Variants in CNBD1 observed in about 807,000 individuals in gnomAD.
CNBD1 encodes the protein cyclic nucleotide-binding domain-containing protein 1.
In CNBD1, 71 loss-of-function variants were observed where a neutral mutation model predicts 54.4. The ratio of observed to expected loss-of-function variants is 1.30; its 90% CI spans 1.08 to 1.59. The LOEUF (loss-of-function observed/expected upper bound fraction) is 1.59. Among genes scored for constraint, CNBD1 ranks in the 40% most tolerant of loss-of-function variants. The probability of loss-of-function intolerance (pLI) is 0.00; values close to 1 mark genes in which losing one functional copy is unlikely to be tolerated. For synonymous variants in CNBD1, 182 were observed against 170.7 expected (o/e 1.07, Z -0.51); for missense variants, 659 against 518.0 (o/e 1.27, Z -2.64).
At chr8:86,984,855 G>C (rs891540409) in intron 4 of CNBD1, among the ~76,000 whole-genome samples, 7 of 152,168 alleles carry the variant, frequency 4.6e-5, no homozygotes, top group Non-Finnish European at 1.0e-4. Flanking sequence ...ACTTTAGACT[G>C]TGAACTTTTG....
intron 4 of CNBD1, among the ~76,000 whole-genome samples, chr8:87,081,449 A>T (rs192618538): frequency 6.6e-6 from 1 of 151,190 alleles, no homozygotes; most frequent in East Asian, 1.9e-4. Context: ...TACCATGTGC[A>T]TTTGAAAAAA....
intron 2 of CNBD1, among the ~76,000 whole-genome samples, chr8:87,392,072 A>T (rs2130970313): frequency 6.6e-6 from 1 of 152,250 alleles, no homozygotes; most frequent in South Asian, 2.1e-4. Context: ...TTCACTAGTT[A>T]TTAGGAAGAT....
intron 2 of CNBD1, among the ~76,000 whole-genome samples, chr8:87,421,574 T>C (rs1807938748): frequency 6.6e-6 from 1 of 151,910 alleles, no homozygotes; most frequent in African/African-American, 2.4e-5. Context: ...TGATTTCCGA[T>C]TTCATCCATG....
intron 4 of CNBD1, among the ~76,000 whole-genome samples, chr8:87,108,499 G>C (rs1811589794): frequency 6.6e-6 from 1 of 152,070 alleles, no homozygotes; most frequent in African/African-American, 2.4e-5. Flanking sequence ...ATTGTGACAT[G>C]ATATTTATGC....
chr8:86,971,792 A>G (rs1586172299), intron 4 of CNBD1, among the ~76,000 whole-genome samples: 1 of 152,132 alleles, frequency 6.6e-6, no homozygotes, highest in African/African-American at 2.4e-5. Flanking sequence ...AGCTCTCTCT[A>G]TATTTGTAAC....
intron 6 of CNBD1, among the ~76,000 whole-genome samples, chr8:87,278,154 A>G (rs1464539225): frequency 6.6e-6 from 1 of 151,534 alleles, no homozygotes; most frequent in Non-Finnish European, 1.5e-5. Flanking sequence ...AGAAGAAAAA[A>G]GATGAATGAT....
At chr8:87,128,148 A>T (rs899432884) in intron 4 of CNBD1, among the ~76,000 whole-genome samples, 8 of 152,146 alleles carry the variant, frequency 5.3e-5, no homozygotes, top group Non-Finnish European at 1.2e-4. Context: ...CCACTCAATA[A>T]AACCCCTGCA....
chr8:87,392,510 G>A (rs1056004727), intron 2 of CNBD1, among the ~76,000 whole-genome samples: 1 of 151,994 alleles, frequency 6.6e-6, no homozygotes, highest in Admixed American at 6.6e-5. Context: ...AAATAATCTA[G>A]ATGAACCTTG....
At chr8:87,343,906 A>G (rs1810117271) in intron 8 of CNBD1, among the ~76,000 whole-genome samples, 1 of 152,082 alleles carries the variant, frequency 6.6e-6, no homozygotes, top group Admixed American at 6.6e-5. Flanking sequence ...AATTAATGGT[A>G]TTTCCTCAAT....
rs1375998342 is a variant in CNBD1 at position 87,064,872 on chromosome 8, T to C, written c.431+125118T>C. On this transcript the variant is annotated intron_variant, in intron 4 of 10. Coordinates refer to ENST00000518476, the MANE Select transcript of CNBD1 (RefSeq NM_173538.3). ...CAACAGACATTAATTTAAAATTTGC[T>C]TCTGTTCCATTCACTCTCTTTTCTT... is the stretch of plus-strand genomic sequence containing the variant. Among the ~76,000 whole-genome samples, 3 of 152,006 alleles carry C rather than the reference T, an allele frequency of 2.0e-5. 1 individual carries two copies. The highest frequency in any genetic ancestry group is 6.3e-3 in the Middle Eastern group (2 of 316).
At chr8:87,104,225 A>G (rs570680926) in intron 4 of CNBD1, among the ~76,000 whole-genome samples, 69 of 152,116 alleles carry the variant, frequency 4.5e-4, no homozygotes, top group African/African-American at 1.5e-3. Flanking sequence ...GCAAGTTTAA[A>G]AGGCAAGTTT....
intron 2 of CNBD1, among the ~76,000 whole-genome samples, chr8:87,426,824 C>A (rs1391239071): frequency 1.3e-5 from 2 of 152,144 alleles, no homozygotes; most frequent in Non-Finnish European, 2.9e-5. Context: ...ATCCCATTGA[C>A]AGACCCAAAA....
chr8:87,114,515 T>A (rs545019309), intron 4 of CNBD1, among the ~76,000 whole-genome samples: 2 of 152,274 alleles, frequency 1.3e-5, no homozygotes, highest in South Asian at 4.1e-4. Flanking sequence ...CACACTCGGC[T>A]AATTTTTGTA....
chr8:87,003,493 G>C (rs796351062), intron 4 of CNBD1, among the ~76,000 whole-genome samples: 25 of 152,242 alleles, frequency 1.6e-4, no homozygotes, highest in African/African-American at 5.5e-4. Flanking sequence ...GTTACCCTTG[G>C]CATGTTACTT....
chr8:86,969,511 G>T (rs530041328), intron 4 of CNBD1, among the ~76,000 whole-genome samples: 1 of 152,002 alleles, frequency 6.6e-6, no homozygotes, highest in Admixed American at 6.6e-5. Context: ...TGAACTAATT[G>T]GTACTACTGT....
intron 4 of CNBD1, among the ~76,000 whole-genome samples, chr8:87,194,446 G>A (rs906706894): frequency 6.6e-6 from 1 of 152,054 alleles, no homozygotes; most frequent in South Asian, 2.1e-4. Context: ...TTGGCCCTAG[G>A]ATAGGTATTT....
At chr8:87,425,920 C>T (rs186877762) in intron 2 of CNBD1, among the ~76,000 whole-genome samples, 81 of 152,166 alleles carry the variant, frequency 5.3e-4, no homozygotes, top group African/African-American at 1.4e-3. Context: ...CCCCCAGCCT[C>T]ACTGCTGCCT....
intron 8 of CNBD1, among the ~76,000 whole-genome samples, chr8:87,327,063 G>T (rs1337950096): frequency 1.4e-5 from 2 of 147,258 alleles, no homozygotes; most frequent in Non-Finnish European, 3.0e-5. Context: ...ATACCCTGCC[G>T]TGTGAGGTGT....
chr8:87,143,301 G>A (rs1250797212), intron 4 of CNBD1, among the ~76,000 whole-genome samples: 1 of 152,078 alleles, frequency 6.6e-6, no homozygotes, highest in Non-Finnish European at 1.5e-5. Flanking sequence ...TTCTAAGTTT[G>A]GGCTAACTAA....
Sources: gnomAD v4.1 joint callset for allele counts (sites outside exome capture counted in the v4.1 genomes callset) on GRCh38, gnomAD v4.1.1 for gene constraint, MANE v1.5 for transcripts, NCBI Gene and HGNC (gene_info 2026-07-23, HGNC 2026-07-21) for gene names.